Variants in GAREM1 observed in about 807,000 individuals in gnomAD.
GAREM1 encodes the protein GRB2-associated and regulator of MAPK protein 1.
GAREM1 carries 26 observed loss-of-function variants against 71.3 expected under a neutral mutation model. The observed-to-expected ratio is 0.36, with a 90% CI of 0.27 to 0.51. The LOEUF is 0.51. Among genes scored for constraint, GAREM1 ranks in the 20% least tolerant of loss-of-function variants. GAREM1 has a pLI of 0.95. For synonymous variants in GAREM1, 440 were observed against 433.2 expected (o/e 1.02, Z -0.20); for missense variants, 1,026 against 1,103.1 (o/e 0.93, Z 0.99).
intron 3 of GAREM1, among the ~76,000 whole-genome samples, chr18:32,304,007 G>A (rs2047224448): frequency 6.6e-6 from 1 of 150,914 alleles, no homozygotes; most frequent in Non-Finnish European, 1.5e-5. Context: ...GGAGGGAGAG[G>A]AGGGATAAGA....
intron 3 of GAREM1, among the ~76,000 whole-genome samples, chr18:32,295,003 T>G (rs2047126423): frequency 6.6e-6 from 1 of 152,140 alleles, no homozygotes; most frequent in Non-Finnish European, 1.5e-5. Flanking sequence ...TTTTAAAAAT[T>G]TTAATAAAAA....
chr18:32,411,159 G>C (rs1210041479), intron 1 of GAREM1, among the ~76,000 whole-genome samples: 1 of 152,104 alleles, frequency 6.6e-6, no homozygotes, highest in East Asian at 1.9e-4. Flanking sequence ...GGCTGGCTCA[G>C]GTAAATAATT....
chr18:32,312,396 T>A (rs2047333509), intron 2 of GAREM1, among the ~76,000 whole-genome samples: 1 of 151,698 alleles, frequency 6.6e-6, no homozygotes, highest in Non-Finnish European at 1.5e-5. Flanking sequence ...GAATGGTGAG[T>A]GGGTGTCAAA....
intron 3 of GAREM1, among the ~76,000 whole-genome samples, chr18:32,304,709 A>G (rs1258977968): frequency 2.0e-5 from 3 of 152,154 alleles, no homozygotes; most frequent in Non-Finnish European, 4.4e-5. Context: ...TATCACCTCC[A>G]TTTTGTAGGT....
intron 1 of GAREM1, among the ~76,000 whole-genome samples, chr18:32,466,620 TGAG>T (rs1164070687): frequency 6.6e-6 from 1 of 152,166 alleles, no homozygotes; most frequent in East Asian, 1.9e-4. Flanking sequence ...CAAGATGAAA[TGAG>T]GAGGAGAGAG....
At chr18:32,385,345 T>A (rs2048135908) in intron 2 of GAREM1, among the ~76,000 whole-genome samples, 1 of 152,082 alleles carries the variant, frequency 6.6e-6, no homozygotes, top group Non-Finnish European at 1.5e-5. Flanking sequence ...TTTTCCTCAG[T>A]TTCCTTACTT....
chr18:32,327,936 C>T (rs1391814150), intron 2 of GAREM1, among the ~76,000 whole-genome samples: 4 of 152,028 alleles, frequency 2.6e-5, no homozygotes, highest in African/African-American at 9.7e-5. Flanking sequence ...AGGTACAATG[C>T]TCAACAAAGG....
intron 1 of GAREM1, among the ~76,000 whole-genome samples, chr18:32,429,097 C>T (rs568376302): frequency 5.9e-5 from 9 of 152,158 alleles, no homozygotes; most frequent in South Asian, 2.1e-4. Context: ...GGAGGGGGAA[C>T]GGGCAAGGTA....
At position 32,267,588 on chromosome 18, in the gene GAREM1, G is replaced by A. The variant is rs2041391532; in HGVS notation, c.*283C>T. 3.5e-6 allele frequency: 1 copy of A among 284,756 alleles called. No individual in the cohort carries two copies. The highest frequency in any genetic ancestry group is 6.5e-6 in the Non-Finnish European group (1 of 154,754). 17.6% of individuals were successfully genotyped at this position (284,756 alleles called of 1,614,324 possible). Reference sequence around the variant, plus strand: ...TACCTTCTCACATAAACCTACTTGGGTAAGAATGATTTCTCTGCACATGCC... The same window carrying A: ...TACCTTCTCACATAAACCTACTTGGATAAGAATGATTTCTCTGCACATGCC... On this transcript the variant is annotated 3_prime_UTR_variant, in exon 6 of 6. Coordinates refer to ENST00000269209, the MANE Select transcript of GAREM1 (RefSeq NM_001242409.2).
intron 1 of GAREM1, among the ~76,000 whole-genome samples, chr18:32,460,088 G>A (rs1309206245): frequency 6.9e-6 from 1 of 143,890 alleles, no homozygotes; most frequent in Admixed American, 7.1e-5. Flanking sequence ...CCTAAAGTCT[G>A]ATAATTGAGA....
intron 2 of GAREM1, among the ~76,000 whole-genome samples, chr18:32,317,125 C>G (rs541159888): frequency 6.6e-6 from 1 of 152,258 alleles, no homozygotes; most frequent in East Asian, 1.9e-4. Flanking sequence ...TGAGAATGGG[C>G]CAGGCGCGGT....
intron 1 of GAREM1, among the ~76,000 whole-genome samples, chr18:32,419,033 T>C (rs1568004170): frequency 6.6e-6 from 1 of 152,188 alleles, no homozygotes; most frequent in Non-Finnish European, 1.5e-5. Context: ...TCTAAGCTCA[T>C]TCTTGTTGGA....
rs183189829 is a variant in GAREM1, at chr18:32,469,804, G to A, written c.121+504C>T. 5.4e-3 allele frequency among the ~76,000 whole-genome samples: 827 copies of A among 152,270 alleles called. 5 individuals carry two copies. The highest frequency in any genetic ancestry group is 0.024 in the Middle Eastern group (7 of 294). On this transcript the variant is annotated intron_variant, in intron 1 of 5. Coordinates refer to ENST00000269209, the MANE Select transcript of GAREM1 (RefSeq NM_001242409.2). The stretch of plus-strand genomic sequence containing the variant: ...CAGTTGGGTTAAACAAAACAGACAA[G>A]CTGTAATACAAGGTCTCTGAGAAAT...
chr18:32,350,861 G>A (rs1352606452), intron 2 of GAREM1, among the ~76,000 whole-genome samples: 3 of 152,132 alleles, frequency 2.0e-5, no homozygotes, highest in African/African-American at 7.2e-5. Context: ...TATCAGGAAT[G>A]TAAAGCATGA....
chr18:32,433,004 C>T (rs953977143), intron 1 of GAREM1, among the ~76,000 whole-genome samples: 6 of 151,982 alleles, frequency 3.9e-5, no homozygotes, highest in Non-Finnish European at 7.4e-5. Context: ...GACAATTACA[C>T]ACCAATATCC....
chr18:32,395,328 G>A (rs1420446633), intron 1 of GAREM1, among the ~76,000 whole-genome samples: 3 of 152,160 alleles, frequency 2.0e-5, no homozygotes, highest in African/African-American at 7.2e-5. Flanking sequence ...GGCGCATACG[G>A]GTGAACAAAC....
At chr18:32,391,789 C>G (rs905398244) in intron 2 of GAREM1, among the ~76,000 whole-genome samples, 9 of 152,112 alleles carry the variant, frequency 5.9e-5, no homozygotes, top group African/African-American at 1.9e-4. Context: ...CTAGGAAATA[C>G]AATTCTAGAG....
intron 2 of GAREM1, among the ~76,000 whole-genome samples, chr18:32,379,572 T>C (rs2048072982): frequency 1.4e-5 from 2 of 147,076 alleles, no homozygotes; most frequent in East Asian, 2.1e-4. Flanking sequence ...GGCGTGGTGG[T>C]GTGCGCCTGT....
At chr18:32,443,561 A>G (rs911581897) in intron 1 of GAREM1, among the ~76,000 whole-genome samples, 1 of 152,206 alleles carries the variant, frequency 6.6e-6, no homozygotes, top group East Asian at 1.9e-4. Context: ...CATCAGGGAC[A>G]TATAAATCAA....
Sources: allele counts gnomAD v4.1 joint callset (sites outside exome capture counted in the v4.1 genomes callset), GRCh38; gene constraint gnomAD v4.1.1; transcripts MANE v1.5; gene names NCBI Gene and HGNC (gene_info 2026-07-23, HGNC 2026-07-21).